The following MEF2D variants were observed in gnomAD, a reference collection of about 807,000 sequenced individuals.
MEF2D encodes myocyte enhancer factor 2D.
In MEF2D, 10 loss-of-function variants were observed where a neutral mutation model predicts 59.3. The ratio of observed to expected loss-of-function variants is 0.17; its 90% confidence interval spans 0.10 to 0.29. The LOEUF (loss-of-function observed/expected upper bound fraction) is 0.29. MEF2D is among the 10% of genes least tolerant of loss of function. MEF2D has a pLI of 1.00. For missense variants in MEF2D, 508 were observed against 699.4 expected (o/e 0.73, Z 3.09); for synonymous variants, 305 against 295.0 (o/e 1.03, Z -0.35).
rs557377114 is a variant in MEF2D, at chr1:156,476,438, C to G, written c.876+56G>C. On this transcript the variant is annotated intron_variant, in intron 8 of 11. Coordinates refer to ENST00000348159, the MANE Select transcript of MEF2D (RefSeq NM_005920.4). ...GCACACGTACTTCATGCTGGGGGAC[C>G]GCAGAGCAATACCCAGAATTCAAAG... 3.2e-4 allele frequency: 515 copies of G among 1,589,606 alleles called. 3 individuals carry two copies. In the South Asian group the frequency reaches 5.2e-3, roughly 16 times the overall value.
intron 3 of MEF2D, among the ~76,000 whole-genome samples, chr1:156,482,142 G>T (rs1672061545): frequency 6.6e-6 from 1 of 152,228 alleles, no homozygotes; most frequent in African/African-American, 2.4e-5. Flanking sequence ...AAGAAGGCAG[G>T]ATAGAGATGT....
chr1:156,469,126 G>GT, intron 9 of MEF2D, 106 bp from the exon 10 acceptor site: 1 of 1,413,248 alleles, frequency 7.1e-7, no homozygotes, highest in Non-Finnish European at 9.5e-7. Context: ...GACAGGGAGT[G>GT]TGTAATGACA....
chr1:156,480,597 C>A, intron 4 of MEF2D: 1 of 1,514,434 alleles, frequency 6.6e-7, no homozygotes. Flanking sequence ...GGGCGCGAAG[C>A]CACACCATGC....
rs936107905 is a variant in MEF2D at position 156,479,577 on chromosome 1, C to T, written c.607+9G>A. ...TCCACCTCACCTACCCACCTGCCAG[C>T]CCACTCACCCGCACTAGCTGGCCGC... On this transcript the variant is annotated intron_variant, in intron 5 of 11. Coordinates refer to ENST00000348159, the MANE Select transcript of MEF2D (RefSeq NM_005920.4). 2 of 1,549,868 alleles carry T rather than the reference C, an allele frequency of 1.3e-6. No individual in the cohort carries two copies.
In MEF2D at chr1:156,464,616, T is replaced by C. The variant is rs1036438041; in HGVS notation, c.*3029A>G. On this transcript the variant is annotated 3_prime_UTR_variant, in exon 12 of 12. Coordinates refer to ENST00000348159, the MANE Select transcript of MEF2D (RefSeq NM_005920.4). Reference sequence around the variant, plus strand: ...AGGAAGAAGACATTAAGTCCTCATCTGAGGTCTGGGTTCCCAGGGACCCAT... The same window carrying C: ...AGGAAGAAGACATTAAGTCCTCATCCGAGGTCTGGGTTCCCAGGGACCCAT... 2 of 152,206 alleles carry C rather than the reference T, an allele frequency of 1.3e-5. No individual in the cohort carries two copies. The highest frequency in any genetic ancestry group is 1.3e-4 in the Admixed American group (2 of 15,286). 9.4% of individuals were successfully genotyped at this position (152,206 alleles called of 1,614,324 possible). A position where few individuals can be genotyped will look rare whatever the true frequency, so the allele number is the denominator to read the frequency against.
In MEF2D at chr1:156,463,766, T is replaced by C. The variant is rs1670664707; in HGVS notation, c.*3879A>G. 6.6e-6 allele frequency: 1 copy of C among 152,386 alleles called. No individual in the cohort carries two copies. The highest frequency in any genetic ancestry group is 2.4e-5 in the African/African-American group (1 of 41,436). 9.4% of individuals were successfully genotyped at this position (152,386 alleles called of 1,614,324 possible). On this transcript the variant is annotated 3_prime_UTR_variant, in exon 12 of 12. Coordinates refer to ENST00000348159, the MANE Select transcript of MEF2D (RefSeq NM_005920.4). ...ATTCTTTTTCTTTTAATAGTAAACC[T>C]CTTTACAACAAATATAGTGAAAGAG... is the stretch of plus-strand genomic sequence containing the variant.
intron 9 of MEF2D, among the ~76,000 whole-genome samples, chr1:156,471,053 ATTTCT>A: frequency 6.6e-6 from 1 of 152,120 alleles, no homozygotes; most frequent in African/African-American, 2.4e-5. Flanking sequence ...AGGATCAACT[ATTTCT>A]TTTCTTTTCT....
chr1:156,481,808 A>G (rs1672035359), intron 3 of MEF2D, among the ~76,000 whole-genome samples: 1 of 152,250 alleles, frequency 6.6e-6, no homozygotes, highest in South Asian at 2.1e-4. Flanking sequence ...AAGCAGGGAC[A>G]TTCAATTCAC....
intron 1 of MEF2D, among the ~76,000 whole-genome samples, chr1:156,484,398 C>T (rs1275559162): frequency 1.3e-5 from 2 of 152,216 alleles, no homozygotes; most frequent in African/African-American, 4.8e-5. Context: ...AACACATAAA[C>T]GAATGAGTGT....
intron 1 of MEF2D, among the ~76,000 whole-genome samples, chr1:156,484,816 G>T (rs567971565): frequency 6.6e-6 from 1 of 152,302 alleles, no homozygotes; most frequent in East Asian, 1.9e-4. Context: ...CAGAAAAGGC[G>T]CATTCTCTCC....
chr1:156,500,250 T>C (rs1293832129), intron 1 of MEF2D, among the ~76,000 whole-genome samples: 2 of 151,628 alleles, frequency 1.3e-5, no homozygotes, highest in Admixed American at 1.3e-4. Flanking sequence ...CCCAAGGGAA[T>C]TGCAGCCCAC....
In MEF2D at chr1:156,468,028, C is replaced by T. The variant is rs766016002; in HGVS notation, c.1519G>A (p.Gly507Ser). 1.2e-5 allele frequency: 19 copies of T among 1,613,630 alleles called. No homozygotes were observed. The highest frequency in any genetic ancestry group is 6.6e-5 in the South Asian group (6 of 91,024). Residue 507 changes from glycine to serine, a missense_variant, in exon 11 of 12, where the codon GGC becomes AGC. Physicochemically the swap from Gly to Ser is moderately conservative, Grantham distance 56. Transcript: ENST00000348159. The surrounding 1 kb of genome is among the most constrained non-coding windows in gnomAD (Gnocchi z 4.3). ...LRPAPEPEAE[G>S]SAVKRMRLDT... is the part of the protein sequence containing the mutation. ...AGCCGCATCCTCTTCACAGCTGAGC[C>T]CTCAGCCTCAGGCTCTGGGGCTGGG...
Position 156,468,070 on chromosome 1 carries a change from T to G in MEF2D, c.1477A>C (p.Thr493Pro), listed in dbSNP as rs373761727. Reference sequence around the variant, plus strand: ...GGGGCTGGGCGCAGCAGGCCCAGTGTGGGCCCGAAGTCCCCCCGTCCGTCA... The same window carrying G: ...GGGGCTGGGCGCAGCAGGCCCAGTGGGGGCCCGAAGTCCCCCCGTCCGTCA... ...RDDGRGDFGP[T>P]LGLLRPAPEP... Residue 493 changes from threonine (T) to proline (P), a missense_variant, in exon 11 of 12, where the codon ACA becomes CCA. By Grantham distance (38) the Thr-to-Pro change is conservative. Around this residue, in one of 2 missense-constraint regions of MEF2D, gnomAD observed 481 missense variants for 584.7 expected, o/e 0.82. Transcript: ENST00000348159. The surrounding 1 kb of genome is among the most constrained non-coding windows in gnomAD (Gnocchi z 4.3). 6.2e-7 allele frequency: 1 copy of G among 1,614,054 alleles called. No homozygotes were observed. The highest frequency in any genetic ancestry group is 8.5e-7 in the Non-Finnish European group (1 of 1,179,982).
At chr1:156,490,420 C>T (rs541003440) in intron 1 of MEF2D, 1 of 152,468 alleles carries the variant, frequency 6.6e-6, no homozygotes, top group African/African-American at 2.4e-5. Context: ...ACCGTCTTTC[C>T]CTCCCTCGGG....
At chr1:156,483,114 C>T in intron 2 of MEF2D, 125 bp downstream of exon 2, 1 of 1,010,818 alleles carries the variant, frequency 9.9e-7, no homozygotes, top group Non-Finnish European at 1.5e-6. Context: ...AATCTCCCTT[C>T]CCCTTCTGTA....
At chr1:156,492,977 G>A (rs751812096) in intron 1 of MEF2D, among the ~76,000 whole-genome samples, 13 of 152,224 alleles carry the variant, frequency 8.5e-5, no homozygotes, top group Admixed American at 5.9e-4. Context: ...GCCAAAGGAA[G>A]AGCAGGCTGA....
At chr1:156,487,276 G>A (rs915144240) in intron 1 of MEF2D, among the ~76,000 whole-genome samples, 14 of 152,238 alleles carry the variant, frequency 9.2e-5, no homozygotes, top group African/African-American at 3.4e-4. Flanking sequence ...GTCTGACAGA[G>A]AGAAGTCAGG....
intron 2 of MEF2D, among the ~76,000 whole-genome samples, chr1:156,482,967 T>A (rs1672116866): frequency 6.6e-6 from 1 of 152,152 alleles, no homozygotes; most frequent in Non-Finnish European, 1.5e-5. Context: ...GAGGAGTGCC[T>A]GGGGGTATGA....
rs967302309 is a variant in MEF2D at position 156,497,967 on chromosome 1, G to T, written c.-139+2519C>A. ...AGGGGCTGGGCCATAATCAATGAGG[G>T]CCTATCCCCAAGGCCTCCTCGGGGG... On this transcript the variant is annotated intron_variant, in intron 1 of 11. Coordinates refer to ENST00000348159, the MANE Select transcript of MEF2D (RefSeq NM_005920.4). Among the ~76,000 whole-genome samples, 6 of 151,780 alleles carry T rather than the reference G, an allele frequency of 4.0e-5. No homozygotes were observed. The East Asian group carries it at 1.2e-3, about 29-fold the overall frequency.
Sources: allele counts gnomAD v4.1 joint callset (sites outside exome capture counted in the v4.1 genomes callset), GRCh38; gene constraint gnomAD v4.1.1; regional missense constraint gnomAD v4.1.1; non-coding constraint Gnocchi (gnomAD v3.1); transcripts MANE v1.5; gene names NCBI Gene and HGNC (gene_info 2026-07-23, HGNC 2026-07-21).